The following SCAPER variants were observed in gnomAD, a reference collection of about 807,000 sequenced individuals.
SCAPER encodes S-phase cyclin A associated protein in the ER.
Under a neutral mutation model 182.2 loss-of-function variants are expected in SCAPER, and 98 were observed. That is an observed-to-expected ratio of 0.54 (90% CI 0.46 to 0.64). The LOEUF (loss-of-function observed/expected upper bound fraction) is 0.64, where lower values mean the gene tolerates loss of function less well. Ranked by LOEUF, SCAPER falls within the 30% of genes least tolerant of loss-of-function variation. SCAPER has a pLI of 0.00. For missense variants in SCAPER, 1,432 were observed against 1,690.0 expected (o/e 0.85, Z 2.68); for synonymous variants, 605 against 564.6 (o/e 1.07, Z -1.01).
chr15:76,615,522 C>T (rs1207638845), intron 22 of SCAPER, among the ~76,000 whole-genome samples: 3 of 149,714 alleles, frequency 2.0e-5, no homozygotes, highest in African/African-American at 5.0e-5. Context: ...CACACACACA[C>T]ACACACACAC....
At chr15:76,842,001 G>C in intron 4 of SCAPER, 70 bp from the exon 5 acceptor site, 2 of 1,365,486 alleles carry the variant, frequency 1.5e-6, no homozygotes, top group Non-Finnish European at 2.0e-6. Flanking sequence ...TTTTTATAAA[G>C]ATTCAATCAA....
rs564507101 is a variant in SCAPER, at chr15:76,447,282, T to C, written c.3079-12972A>G. Among the ~76,000 whole-genome samples the C allele has an allele frequency of 4.6e-5, 7 of 152,306 alleles. No individual in the cohort carries two copies. The South Asian group carries it at 1.0e-3, about 23-fold the overall frequency. ...CTATAAATCTCTTCATCTGTATCCT[T>C]TGTAACATCCTTTGTGATAAACTGG... On this transcript the variant is annotated intron_variant, in intron 25 of 31. Transcript: ENST00000563290.
chr15:76,512,039 T>C (rs1177341478), intron 23 of SCAPER, among the ~76,000 whole-genome samples: 2 of 151,530 alleles, frequency 1.3e-5, no homozygotes, highest in East Asian at 1.9e-4. Flanking sequence ...CCTGACAACA[T>C]GCCCGGCTAA....
intron 1 of SCAPER, among the ~76,000 whole-genome samples, chr15:76,889,038 A>G (rs1389091170): frequency 2.0e-5 from 3 of 152,200 alleles, no homozygotes; most frequent in Non-Finnish European, 4.4e-5. Context: ...TTCTTAAAGA[A>G]AAGAATTTTC....
At chr15:76,623,604 AC>A (rs1863953354) in intron 21 of SCAPER, among the ~76,000 whole-genome samples, 1 of 152,074 alleles carries the variant, frequency 6.6e-6, no homozygotes, top group Admixed American at 6.6e-5. Context: ...CATTGGTCTT[AC>A]GTGTCTGCTT....
chr15:76,698,620 G>C (rs867541025), intron 20 of SCAPER, among the ~76,000 whole-genome samples: 7 of 152,178 alleles, frequency 4.6e-5, no homozygotes, highest in South Asian at 4.1e-4. Context: ...AGTGCAAGCA[G>C]ACAGTACCAG....
intron 26 of SCAPER, among the ~76,000 whole-genome samples, chr15:76,430,294 G>C (rs1256770756): frequency 6.6e-6 from 1 of 152,192 alleles, no homozygotes; most frequent in Non-Finnish European, 1.5e-5. Flanking sequence ...CCCTACTGTG[G>C]CACCGCATAG....
chr15:76,817,591 G>A (rs886806829), intron 5 of SCAPER, among the ~76,000 whole-genome samples: 22 of 151,942 alleles, frequency 1.4e-4, no homozygotes, highest in Admixed American at 1.1e-3. Flanking sequence ...CACACAAAAA[G>A]GTAACTATGT....
At chr15:76,649,146 C>G (rs138940626) in intron 21 of SCAPER, among the ~76,000 whole-genome samples, 1 of 152,276 alleles carries the variant, frequency 6.6e-6, no homozygotes, top group African/African-American at 2.4e-5. Flanking sequence ...GTCTATTAAA[C>G]CTCTGTACTT....
intron 29 of SCAPER, among the ~76,000 whole-genome samples, chr15:76,373,946 T>A (rs1157081769): frequency 6.6e-6 from 1 of 151,730 alleles, no homozygotes; most frequent in East Asian, 1.9e-4. Flanking sequence ...ATTTCAGCTC[T>A]CGTTGTACAG....
At chr15:76,802,630 C>G (rs1282275067) in intron 6 of SCAPER, among the ~76,000 whole-genome samples, 2 of 152,136 alleles carry the variant, frequency 1.3e-5, no homozygotes, top group Non-Finnish European at 2.9e-5. Context: ...GGGAATCCAG[C>G]CCTTCTGGAT....
intron 9 of SCAPER, among the ~76,000 whole-genome samples, chr15:76,773,553 C>A (rs758176267): frequency 1.3e-3 from 196 of 151,960 alleles, no homozygotes; most frequent in Admixed American, 5.8e-3. Flanking sequence ...CAAATGTATA[C>A]CAATTACTTC....
At chr15:76,511,843 A>ATATATGTGTGTGTGTG (rs151255382) in intron 23 of SCAPER, among the ~76,000 whole-genome samples, 1 of 123,308 alleles carries the variant, frequency 8.1e-6, no homozygotes, top group African/African-American at 3.4e-5. Context: ...ATATATATAT[A>ATATATGTGTGTGTGTG]TGTGTGTGTG....
intron 4 of SCAPER, among the ~76,000 whole-genome samples, chr15:76,842,354 T>C (rs1382398502): frequency 9.2e-5 from 14 of 152,180 alleles, no homozygotes. Context: ...TGGAGGTAAC[T>C]GAATCATGGG....
At chr15:76,781,526 G>C (rs1041410878) in intron 8 of SCAPER, among the ~76,000 whole-genome samples, 3 of 152,056 alleles carry the variant, frequency 2.0e-5, no homozygotes, top group Non-Finnish European at 4.4e-5. Flanking sequence ...TCAACTTCAG[G>C]AACTACAGAG....
chr15:76,904,159 T>C (rs1313636072), intron 1 of SCAPER, among the ~76,000 whole-genome samples: 2 of 151,990 alleles, frequency 1.3e-5, no homozygotes, highest in Non-Finnish European at 2.9e-5. Flanking sequence ...AGTGGGACAG[T>C]GGTCAGACTA....
chr15:76,872,514 G>A lies in SCAPER; in HGVS notation c.7-9981C>T, dbSNP rs185891262. On this transcript the variant is annotated intron_variant, in intron 2 of 31. Coordinates refer to ENST00000563290, the MANE Select transcript of SCAPER (RefSeq NM_020843.4). ...AAACTCAGCTGATTTTCCAACAAAC[G>A]GACATGATAAACGTCAGTAAACAGT... Among the ~76,000 whole-genome samples the A allele has an allele frequency of 8.0e-4, 122 of 151,802 alleles. 1 individual carries two copies. Among genetic ancestry groups the A allele is most frequent in the Admixed American group, 4.1e-3 (62 of 15,252 alleles).
chr15:76,640,517 A>G (rs1012204304), intron 21 of SCAPER, among the ~76,000 whole-genome samples: 37 of 152,220 alleles, frequency 2.4e-4, no homozygotes, highest in Non-Finnish European at 4.6e-4. Context: ...TGGTATCTCT[A>G]AGGGGTTATC....
chr15:76,373,427 G>C (rs2042325314), intron 29 of SCAPER, among the ~76,000 whole-genome samples: 1 of 148,930 alleles, frequency 6.7e-6, no homozygotes, highest in Non-Finnish European at 1.5e-5. Flanking sequence ...AGGTTGAATG[G>C]ATGCACATGA....
Sources: gnomAD v4.1 joint callset for allele counts (sites outside exome capture counted in the v4.1 genomes callset) on GRCh38, gnomAD v4.1.1 for gene constraint, MANE v1.5 for transcripts, NCBI Gene and HGNC (gene_info 2026-07-23, HGNC 2026-07-21) for gene names.